CTNNA2: variants seen among roughly 807,000 people sequenced by gnomAD.
CTNNA2 encodes the protein catenin alpha 2.
A neutral mutation model predicts 101.0 loss-of-function variants in CTNNA2; 42 were observed. That is an observed-to-expected ratio of 0.42 (90% CI 0.32 to 0.54). The LOEUF (loss-of-function observed/expected upper bound fraction) is 0.54, where lower values mean the gene tolerates loss of function less well. Among genes scored for constraint, CTNNA2 ranks in the 20% least tolerant of loss-of-function variants. CTNNA2 has a pLI of 0.14. For missense variants in CTNNA2, 871 were observed against 1,223.1 expected (o/e 0.71, Z 4.29); for synonymous variants, 450 against 456.4 (o/e 0.99, Z 0.18).
chr2:80,462,631 C>CTTTTTTTTTTTTTTTTTTTTTTTTTTTT (rs753815778), intron 9 of CTNNA2, among the ~76,000 whole-genome samples: 3 of 94,772 alleles, frequency 3.2e-5, no homozygotes, highest in African/African-American at 1.4e-4. Flanking sequence ...TTCTTTCTTT[C>CTTTTTTTTTTTTTTTTTTTTTTTTTTTT]TTTTTTTTTT....
chr2:79,476,589 G>C (rs985874653), intron 4 of CTNNA2, among the ~76,000 whole-genome samples: 1 of 152,148 alleles, frequency 6.6e-6, no homozygotes, highest in Non-Finnish European at 1.5e-5. Context: ...TCATCTAGAT[G>C]AGAAACACAT....
intron 1 of CTNNA2, among the ~76,000 whole-genome samples, chr2:79,526,027 ATCCAGGT>A (rs1487280090): frequency 6.6e-6 from 1 of 152,004 alleles, no homozygotes; most frequent in East Asian, 1.9e-4. Context: ...GACTTCTTAA[ATCCAGGT>A]GTATACGTTT....
intron 2 of CTNNA2, among the ~76,000 whole-genome samples, chr2:79,258,496 C>T (rs952296392): frequency 7.2e-5 from 11 of 152,126 alleles, no homozygotes; most frequent in Non-Finnish European, 1.3e-4. Flanking sequence ...ATTACTGATG[C>T]TTCTATCTGT....
At chr2:80,040,957 TG>T (rs1219838054) in intron 7 of CTNNA2, among the ~76,000 whole-genome samples, 1 of 152,200 alleles carries the variant, frequency 6.6e-6, no homozygotes, top group Non-Finnish European at 1.5e-5. Flanking sequence ...CACAAGGAAT[TG>T]GTAGAGTGAA....
chr2:79,600,144 C>T (rs1228807732), intron 1 of CTNNA2, among the ~76,000 whole-genome samples: 2 of 152,028 alleles, frequency 1.3e-5, no homozygotes, highest in East Asian at 1.9e-4. Flanking sequence ...AATTGAACTA[C>T]ACCGAGAGAT....
At chr2:79,693,781 T>C (rs1368835967) in intron 2 of CTNNA2, among the ~76,000 whole-genome samples, 2 of 151,808 alleles carry the variant, frequency 1.3e-5, no homozygotes, top group African/African-American at 4.8e-5. Flanking sequence ...TCCAGAAATA[T>C]TAAACATGAT....
chr2:79,206,377 T>G (rs2104191124), intron 2 of CTNNA2, among the ~76,000 whole-genome samples: 1 of 152,042 alleles, frequency 6.6e-6, no homozygotes, highest in East Asian at 1.9e-4. Flanking sequence ...TATATTTAAA[T>G]GTATTAACTT....
intron 6 of CTNNA2, among the ~76,000 whole-genome samples, chr2:79,894,299 T>C (rs949412144): frequency 2.0e-5 from 3 of 152,020 alleles, no homozygotes; most frequent in Admixed American, 6.6e-5. Context: ...GCCTGGATCA[T>C]TGCAATAACT....
intron 7 of CTNNA2, among the ~76,000 whole-genome samples, chr2:80,086,195 T>C (rs908869710): frequency 1.3e-5 from 2 of 152,096 alleles, no homozygotes; most frequent in African/African-American, 4.8e-5. Flanking sequence ...CAAAAACATG[T>C]ATCAAACAAA....
At chr2:80,524,127 G>A (rs1049010854) in intron 9 of CTNNA2, among the ~76,000 whole-genome samples, 2 of 152,166 alleles carry the variant, frequency 1.3e-5, no homozygotes, top group African/African-American at 4.8e-5. Flanking sequence ...GAGAGGGACT[G>A]TGGCACAGTG....
intron 9 of CTNNA2, among the ~76,000 whole-genome samples, chr2:80,530,391 G>T (rs527635699): frequency 6.6e-6 from 1 of 152,186 alleles, no homozygotes. Flanking sequence ...CTTCCAGCTC[G>T]GGAGAGACTT....
chr2:79,638,511 G>A (rs1369378911), intron 1 of CTNNA2, among the ~76,000 whole-genome samples: 2 of 152,080 alleles, frequency 1.3e-5, no homozygotes, highest in Non-Finnish European at 2.9e-5. Flanking sequence ...AATGTGTTAC[G>A]ACCTTTCAAG....
Position 79,612,236 on chromosome 2 carries a change from A to T in CTNNA2, c.-5-39316A>T, listed in dbSNP as rs13430300. ...GGTTGCTGTGCTCCAGTATTCTTTT[A>T]GAATAATCCATATCAGACAGATGTA... is the stretch of plus-strand genomic sequence containing the variant. On this transcript the variant is annotated intron_variant, in intron 1 of 18. Coordinates refer to ENST00000402739, the MANE Select transcript of CTNNA2 (RefSeq NM_001282597.3). Among the ~76,000 whole-genome samples, 1,725 of 152,290 alleles carry T rather than the reference A, an allele frequency of 0.011. 70 individuals carry two copies. In the East Asian group the frequency reaches 0.12, roughly 10 times the overall value.
chr2:79,868,090 C>T (rs6736489), intron 4 of CTNNA2, among the ~76,000 whole-genome samples: 20,254 of 152,046 alleles, frequency 0.13, 1,885 homozygotes, highest in African/African-American at 0.25. Flanking sequence ...AAAAACCTGA[C>T]ACATGGCAGT....
intron 7 of CTNNA2, among the ~76,000 whole-genome samples, chr2:80,306,405 TTTCTTTCTTTC>T (rs1169517886): frequency 6.0e-4 from 32 of 53,294 alleles, no homozygotes; most frequent in Admixed American, 9.0e-4. Flanking sequence ...TTTTCTTTTC[TTTCTTTCTTTC>T]TTTCTTTCTT....
chr2:79,935,539 G>A lies in CTNNA2; in HGVS notation c.1056+25742G>A, dbSNP rs1687728215. On this transcript the variant is annotated intron_variant, in intron 7 of 18. Transcript: ENST00000402739. ...GGCTATCATTTATTTTTAGTGCCCT[G>A]GATTTAGTTGATCTCATGATCAGCC... is the stretch of plus-strand genomic sequence containing the variant. Among the ~76,000 whole-genome samples the A allele has an allele frequency of 2.6e-5, 4 of 152,058 alleles. No homozygotes were observed. In the South Asian group the frequency reaches 8.3e-4, roughly 32 times the overall value.
intron 2 of CTNNA2, among the ~76,000 whole-genome samples, chr2:79,215,164 G>A (rs945906527): frequency 2.0e-5 from 3 of 152,182 alleles, no homozygotes; most frequent in African/African-American, 4.8e-5. Flanking sequence ...TGGCTGCCAG[G>A]TGAGTTGAAC....
At chr2:79,422,517 CATGG>C (rs1272650329) in intron 4 of CTNNA2, among the ~76,000 whole-genome samples, 1 of 152,136 alleles carries the variant, frequency 6.6e-6, no homozygotes, top group Non-Finnish European at 1.5e-5. Flanking sequence ...AGCAGTCTTC[CATGG>C]TTTTCTTCTC....
At position 80,302,227 on chromosome 2, in the gene CTNNA2, A is replaced by T; in HGVS notation, c.1057-90984A>T. ...GCTGCCCAGGCGTATTTGGTAGCGC[A>T]TGGGTTGAGAGCCACTGGGACAATC... is the stretch of plus-strand genomic sequence containing the variant. On this transcript the variant is annotated intron_variant, in intron 7 of 18. Transcript: ENST00000402739. The surrounding 1 kb of genome is among the most constrained non-coding windows in gnomAD (Gnocchi z 6.4). 1 of 1,601,634 alleles carries T rather than the reference A, an allele frequency of 6.2e-7. No homozygotes were observed.
Sources: gnomAD v4.1 joint callset for allele counts (sites outside exome capture counted in the v4.1 genomes callset) on GRCh38, gnomAD v4.1.1 for gene constraint, Gnocchi (gnomAD v3.1) non-coding constraint, MANE v1.5 for transcripts, NCBI Gene and HGNC (gene_info 2026-07-23, HGNC 2026-07-21) for gene names.